The following AUTS2 variants were observed in gnomAD, a reference collection of about 807,000 sequenced individuals.
AUTS2 encodes activator of transcription and developmental regulator AUTS2.
Under a neutral mutation model 112.4 loss-of-function variants are expected in AUTS2, and 17 were observed. The ratio of observed to expected loss-of-function variants is 0.15; its 90% CI spans 0.10 to 0.23. The LOEUF is 0.23. Ranked by LOEUF, AUTS2 falls within the 10% of genes least tolerant of loss-of-function variation. AUTS2 has a pLI of 1.00. For synonymous variants in AUTS2, 751 were observed against 702.7 expected, an observed-to-expected ratio of 1.07 and a Z score of -1.09; for missense variants, 1,510 against 1,701.6, an observed-to-expected ratio of 0.89 and a Z score of 1.98.
At chr7:69,998,581 T>A (rs1014013045) in intron 2 of AUTS2, among the ~76,000 whole-genome samples, 2 of 152,232 alleles carry the variant, frequency 1.3e-5, no homozygotes, top group African/African-American at 4.8e-5. Flanking sequence ...TACATGCACC[T>A]GTTTGTTTAG....
At chr7:69,940,921 A>C (rs1404764146) in intron 2 of AUTS2, among the ~76,000 whole-genome samples, 1 of 152,256 alleles carries the variant, frequency 6.6e-6, no homozygotes, top group East Asian at 1.9e-4. Flanking sequence ...TTACAATGTA[A>C]CCAGACTGGA....
intron 2 of AUTS2, among the ~76,000 whole-genome samples, chr7:69,949,736 A>G (rs571518375): frequency 6.6e-6 from 1 of 152,244 alleles, no homozygotes; most frequent in African/African-American, 2.4e-5. Context: ...TCTTCTTCCA[A>G]ATGTTTCTGT....
At chr7:70,653,112 A>G (rs1806595125) in intron 5 of AUTS2, among the ~76,000 whole-genome samples, 2 of 152,146 alleles carry the variant, frequency 1.3e-5, no homozygotes, top group South Asian at 4.1e-4. Context: ...AAAATCAACC[A>G]GGCATGGTGG....
chr7:69,709,354 G>A (rs1798211027), intron 1 of AUTS2, among the ~76,000 whole-genome samples: 1 of 152,110 alleles, frequency 6.6e-6, no homozygotes, highest in African/African-American at 2.4e-5. Flanking sequence ...GTAAACCACT[G>A]GTGCTGCTAT....
chr7:70,571,528 C>A (rs568461601), intron 5 of AUTS2, among the ~76,000 whole-genome samples: 143 of 152,220 alleles, frequency 9.4e-4, no homozygotes, highest in Middle Eastern at 3.4e-3. Context: ...TTACATAAAC[C>A]CCCATGGTTT....
chr7:69,901,348 G>C (rs905726217), intron 2 of AUTS2, among the ~76,000 whole-genome samples: 2 of 151,896 alleles, frequency 1.3e-5, no homozygotes, highest in Non-Finnish European at 1.5e-5. Flanking sequence ...ACCAAGCTGC[G>C]GATCCTCATC....
chr7:70,113,760 C>T (rs1805210908), intron 2 of AUTS2, among the ~76,000 whole-genome samples: 1 of 152,130 alleles, frequency 6.6e-6, no homozygotes, highest in Admixed American at 6.6e-5. Context: ...ATTAATGACA[C>T]CTACTGGGCA....
intron 4 of AUTS2, among the ~76,000 whole-genome samples, chr7:70,312,383 C>A (rs1789802662): frequency 1.3e-5 from 2 of 152,044 alleles, no homozygotes; most frequent in African/African-American, 4.8e-5. Flanking sequence ...TCCCTCTTGT[C>A]AGTTTAAGTA....
intron 2 of AUTS2, among the ~76,000 whole-genome samples, chr7:69,945,034 T>A (rs1287371609): frequency 6.6e-6 from 1 of 152,204 alleles, no homozygotes; most frequent in Non-Finnish European, 1.5e-5. Flanking sequence ...GCTGTGTGGC[T>A]CTGAGGCTTA....
At chr7:69,926,453 A>ATCTG (rs1440798809) in intron 2 of AUTS2, among the ~76,000 whole-genome samples, 2 of 103,986 alleles carry the variant, frequency 1.9e-5, no homozygotes, top group Non-Finnish European at 4.2e-5. Flanking sequence ...CTGTCTATCT[A>ATCTG]TCTATCTATC....
At chr7:70,023,612 AC>A (rs1800382485) in intron 2 of AUTS2, among the ~76,000 whole-genome samples, 1 of 152,220 alleles carries the variant, frequency 6.6e-6, no homozygotes, top group Non-Finnish European at 1.5e-5. Context: ...GTAAGGACTT[AC>A]AACTGTTTTA....
intron 2 of AUTS2, among the ~76,000 whole-genome samples, chr7:69,974,264 T>C (rs1369488003): frequency 6.6e-6 from 1 of 150,748 alleles, no homozygotes; most frequent in African/African-American, 2.4e-5. Flanking sequence ...TGTATAGTTA[T>C]ATTCCTTGTT....
chr7:69,900,989 C>T (rs1719993418), intron 2 of AUTS2, among the ~76,000 whole-genome samples: 1 of 152,106 alleles, frequency 6.6e-6, no homozygotes, highest in Admixed American at 6.5e-5. Flanking sequence ...GCTATGGAAA[C>T]GAGGGCTCAA....
At chr7:69,709,179 GC>G (rs1411305673) in intron 1 of AUTS2, among the ~76,000 whole-genome samples, 1 of 152,234 alleles carries the variant, frequency 6.6e-6, no homozygotes, top group Non-Finnish European at 1.5e-5. Context: ...TGGCTTAAGG[GC>G]AGAGGAGAGG....
At chr7:70,651,693 C>A (rs1281975871) in intron 5 of AUTS2, among the ~76,000 whole-genome samples, 1 of 152,148 alleles carries the variant, frequency 6.6e-6, no homozygotes, top group Non-Finnish European at 1.5e-5. Flanking sequence ...TTCATACCAG[C>A]ATAAAGTCGA....
chr7:70,380,730 T>G (rs1357275754), intron 4 of AUTS2, among the ~76,000 whole-genome samples: 3 of 152,222 alleles, frequency 2.0e-5, no homozygotes, highest in Non-Finnish European at 4.4e-5. Flanking sequence ...AATATCAAAT[T>G]GTGTCTGATT....
chr7:69,768,402 A>G (rs907929157), intron 1 of AUTS2, among the ~76,000 whole-genome samples: 7 of 152,250 alleles, frequency 4.6e-5, no homozygotes, highest in African/African-American at 1.7e-4. Flanking sequence ...TAGATAGTGA[A>G]AAAGACACAC....
intron 3 of AUTS2, among the ~76,000 whole-genome samples, chr7:70,121,359 T>C (rs1343014110): frequency 6.6e-6 from 1 of 151,938 alleles, no homozygotes; most frequent in Non-Finnish European, 1.5e-5. Flanking sequence ...TTCATCAAAA[T>C]TAAAAACTTC....
intron 4 of AUTS2, among the ~76,000 whole-genome samples, chr7:70,162,432 C>T (rs1462580244): frequency 9.7e-6 from 1 of 103,106 alleles, no homozygotes; most frequent in African/African-American, 3.9e-5. Context: ...GGCGACAGAG[C>T]GAGACTCCGT....
Sources: gnomAD v4.1 joint callset for allele counts (sites outside exome capture counted in the v4.1 genomes callset) on GRCh38, gnomAD v4.1.1 for gene constraint, MANE v1.5 for transcripts, NCBI Gene and HGNC (gene_info 2026-07-23, HGNC 2026-07-21) for gene names.